The following ANKS1B variants were observed in gnomAD, a reference collection of about 807,000 sequenced individuals.
The protein encoded by ANKS1B is ankyrin repeat and sterile alpha motif domain containing 1B.
In ANKS1B, 36 loss-of-function variants were observed where a neutral mutation model predicts 148.3. The observed-to-expected ratio is 0.24, with a 90% CI of 0.19 to 0.32. The LOEUF (loss-of-function observed/expected upper bound fraction) is 0.32. ANKS1B is among the 10% of genes least tolerant of loss of function. The pLI is 1.00. For synonymous variants in ANKS1B, 542 were observed against 560.8 expected (o/e 0.97, Z 0.47); for missense variants, 1,157 against 1,542.6 (o/e 0.75, Z 4.19).
chr12:99,435,581 C>A (rs2095446602), intron 11 of ANKS1B, among the ~76,000 whole-genome samples: 1 of 151,950 alleles, frequency 6.6e-6, no homozygotes, highest in Non-Finnish European at 1.5e-5. Flanking sequence ...GTACACAGCA[C>A]CATGGCACCT....
intron 2 of ANKS1B, among the ~76,000 whole-genome samples, chr12:99,817,165 C>CCA (rs60935129): frequency 0.63 from 94,257 of 148,524 alleles, 30,048 homozygotes; most frequent in South Asian, 0.73. Context: ...CTCTTCTCCC[C>CCA]CCCCCCTTTC....
chr12:99,453,520 CA>C (rs1268367472), intron 10 of ANKS1B, among the ~76,000 whole-genome samples: 3 of 152,112 alleles, frequency 2.0e-5, no homozygotes, highest in Non-Finnish European at 4.4e-5. Flanking sequence ...ACCTTGTTAA[CA>C]GCCACGAGTT....
intron 8 of ANKS1B, among the ~76,000 whole-genome samples, chr12:99,723,704 CAG>C (rs2058333072): frequency 1.3e-5 from 2 of 152,164 alleles, no homozygotes; most frequent in South Asian, 2.1e-4. Context: ...GACCATCAAA[CAG>C]GGGTTGTCAG....
intron 12 of ANKS1B, among the ~76,000 whole-genome samples, chr12:99,390,776 T>C (rs1457096116): frequency 6.6e-6 from 1 of 152,164 alleles, no homozygotes; most frequent in East Asian, 1.9e-4. Flanking sequence ...CAGAGGTACC[T>C]GGAGCCTCCA....
At chr12:98,784,462 G>A (rs571983684) in intron 22 of ANKS1B, among the ~76,000 whole-genome samples, 1 of 152,328 alleles carries the variant, frequency 6.6e-6, no homozygotes, top group African/African-American at 2.4e-5. Flanking sequence ...CTAAAATGGT[G>A]TGCCTACCAC....
Position 98,959,837 on chromosome 12 carries a change from C to G in ANKS1B, c.2778+93320G>C, listed in dbSNP as rs984854427. 3.9e-5 allele frequency among the ~76,000 whole-genome samples: 6 copies of G among 152,074 alleles called. No homozygotes were observed. In the South Asian group the frequency reaches 6.2e-4, roughly 16 times the overall value. On this transcript the variant is annotated intron_variant, in intron 17 of 26. Transcript: ENST00000683438. ...GTGCCTTGAGTGAACACTGGTGGTACCCAGGAAGTACTCACCATGGACCTA... is the reference window on the plus strand; with the variant it reads ...GTGCCTTGAGTGAACACTGGTGGTAGCCAGGAAGTACTCACCATGGACCTA...
At chr12:99,065,450 A>C (rs1364194094) in intron 16 of ANKS1B, among the ~76,000 whole-genome samples, 2 of 152,214 alleles carry the variant, frequency 1.3e-5, no homozygotes, top group Non-Finnish European at 2.9e-5. Context: ...CACAACCAGA[A>C]TTAGCAGTAC....
intron 12 of ANKS1B, among the ~76,000 whole-genome samples, chr12:99,296,618 A>G (rs2080905748): frequency 6.6e-6 from 1 of 152,174 alleles, no homozygotes; most frequent in South Asian, 2.1e-4. Flanking sequence ...TTGACTTAAC[A>G]GCATTAATTA....
At chr12:99,674,216 G>T (rs1425067953) in intron 8 of ANKS1B, among the ~76,000 whole-genome samples, 1 of 151,744 alleles carries the variant, frequency 6.6e-6, no homozygotes, top group Non-Finnish European at 1.5e-5. Flanking sequence ...TCAAATAAAA[G>T]TGTATTGGGG....
At chr12:99,172,307 C>A (rs1489697377) in intron 14 of ANKS1B, among the ~76,000 whole-genome samples, 1 of 152,012 alleles carries the variant, frequency 6.6e-6, no homozygotes, top group Admixed American at 6.6e-5. Flanking sequence ...TTCCTGAGAA[C>A]AGAGAGATTT....
intron 25 of ANKS1B, among the ~76,000 whole-genome samples, chr12:98,763,511 T>G (rs931696186): frequency 5.9e-5 from 9 of 152,202 alleles, no homozygotes; most frequent in Non-Finnish European, 1.0e-4. Flanking sequence ...CGAGATTCCT[T>G]TATCTCCCTA....
intron 14 of ANKS1B, among the ~76,000 whole-genome samples, chr12:99,240,663 CA>C (rs1273493066): frequency 6.6e-6 from 1 of 152,132 alleles, no homozygotes; most frequent in Non-Finnish European, 1.5e-5. Flanking sequence ...CACTCCTCAG[CA>C]AATGTAAAAG....
At chr12:99,486,003 C>T (rs867396344) in intron 10 of ANKS1B, among the ~76,000 whole-genome samples, 56 of 152,168 alleles carry the variant, frequency 3.7e-4, no homozygotes, top group African/African-American at 1.2e-3. Context: ...TAATAATCAA[C>T]CTTCTGAATT....
At chr12:98,961,693 TAGAC>T (rs570928474) in intron 17 of ANKS1B, among the ~76,000 whole-genome samples, 8 of 152,094 alleles carry the variant, frequency 5.3e-5, no homozygotes, top group South Asian at 2.1e-4. Context: ...TCTCAAGAAA[TAGAC>T]AGTACAATAA....
intron 8 of ANKS1B, among the ~76,000 whole-genome samples, chr12:99,762,401 C>T (rs2062220469): frequency 1.3e-5 from 2 of 151,498 alleles, no homozygotes; most frequent in African/African-American, 4.8e-5. Context: ...CAACTACAAC[C>T]ATCTAATCTT....
intron 17 of ANKS1B, among the ~76,000 whole-genome samples, chr12:98,869,548 A>G (rs939109956): frequency 6.6e-6 from 1 of 152,134 alleles, no homozygotes; most frequent in Non-Finnish European, 1.5e-5. Context: ...TAAAGTAACT[A>G]AAATCCTGGA....
chr12:99,209,376 C>T (rs2083064820), intron 14 of ANKS1B, among the ~76,000 whole-genome samples: 1 of 151,922 alleles, frequency 6.6e-6, no homozygotes, highest in African/African-American at 2.4e-5. Context: ...AGAAGAAAAA[C>T]TGTAGTACCA....
At chr12:99,369,475 G>T (rs1175820967) in intron 12 of ANKS1B, among the ~76,000 whole-genome samples, 1 of 152,050 alleles carries the variant, frequency 6.6e-6, no homozygotes, top group Non-Finnish European at 1.5e-5. Context: ...GTGAACTCTG[G>T]ATCCTGGTTT....
chr12:99,536,145 T>C (rs1469611230), intron 9 of ANKS1B, among the ~76,000 whole-genome samples: 1 of 152,194 alleles, frequency 6.6e-6, no homozygotes, highest in Non-Finnish European at 1.5e-5. Context: ...GGAAAGGCTC[T>C]GTTCTTAAGA....
Sources: allele counts gnomAD v4.1 joint callset (sites outside exome capture counted in the v4.1 genomes callset), GRCh38; gene constraint gnomAD v4.1.1; transcripts MANE v1.5; gene names NCBI Gene and HGNC (gene_info 2026-07-23, HGNC 2026-07-21).